Variants in GRAP2 observed in about 807,000 individuals in gnomAD.
GRAP2 encodes GRB2-related adapter protein 2.
In GRAP2, 31 loss-of-function variants were observed where a neutral mutation model predicts 43.5. The ratio of observed to expected loss-of-function variants is 0.71; its 90% CI spans 0.54 to 0.96. GRAP2 has a LOEUF of 0.96. Ranked by LOEUF, GRAP2 falls within the 40% of genes least tolerant of loss-of-function variation. The pLI is 0.00. For synonymous variants in GRAP2, 156 were observed against 164.8 expected (o/e 0.95, Z 0.41); for missense variants, 371 against 424.4 (o/e 0.87, Z 1.11).
the GRAP2 span, among the ~76,000 whole-genome samples, chr22:39,894,714 G>T: frequency 1.3e-5 from 2 of 152,282 alleles, no homozygotes; most frequent in South Asian, 4.1e-4. Flanking sequence ...CTGATTTTCC[G>T]TGAGCACCCA....
intron 1 of GRAP2, among the ~76,000 whole-genome samples, chr22:39,923,508 T>C (rs575701426): frequency 1.0e-3 from 157 of 152,326 alleles, no homozygotes; most frequent in African/African-American, 3.8e-3. Context: ...TCAAGATTAT[T>C]AATTGTCTCC....
chr22:39,917,098 A>G lies in GRAP2; in HGVS notation c.-15+15768A>G, dbSNP rs559120094. Among the ~76,000 whole-genome samples the G allele has an allele frequency of 4.6e-5, 7 of 152,360 alleles. No individual in the cohort carries two copies. In the East Asian group the frequency reaches 1.4e-3, roughly 29 times the overall value. On this transcript the variant is annotated intron_variant, in intron 1 of 7. Coordinates refer to ENST00000344138, the MANE Select transcript of GRAP2 (RefSeq NM_004810.4). Reference sequence around the variant, plus strand: ...AAACTGAGAAGTTGGGGGAAAGATCAGACATTTTTATGGAAACTGCATTGA... The same window carrying G: ...AAACTGAGAAGTTGGGGGAAAGATCGGACATTTTTATGGAAACTGCATTGA...
intron 1 of GRAP2, among the ~76,000 whole-genome samples, chr22:39,927,952 G>C (rs1463089641): frequency 6.6e-6 from 1 of 152,216 alleles, no homozygotes; most frequent in African/African-American, 2.4e-5. Flanking sequence ...GATGTAAGTA[G>C]GAAGGTGCAG....
At chr22:39,907,615 A>C (rs1239542118) in intron 1 of GRAP2, among the ~76,000 whole-genome samples, 1 of 152,008 alleles carries the variant, frequency 6.6e-6, no homozygotes, top group African/African-American at 2.4e-5. Context: ...AGTGGCCCGC[A>C]CCTGTAGTCC....
Position 39,969,446 on chromosome 22 carries a change from G to T in GRAP2, c.726G>T (p.Gly242=), listed in dbSNP as rs770749518. The change falls in exon 7 of 8, where the codon GGG becomes GGT. Residue 242 remains glycine, a synonymous_variant. Coordinates refer to ENST00000344138, the MANE Select transcript of GRAP2 (RefSeq NM_004810.4). ...GAGGCAGCCTTGACATAAATGATGGGCATTGTGGCACCGGCTTGGGCAGTG... is the reference window on the plus strand; with the variant it reads ...GAGGCAGCCTTGACATAAATGATGGTCATTGTGGCACCGGCTTGGGCAGTG... The part of the protein sequence containing the change: ...RRGGSLDIND[G]HCGTGLGSEM... 13 of 1,613,976 alleles carry T rather than the reference G, an allele frequency of 8.1e-6. No homozygotes were observed. The highest frequency in any genetic ancestry group is 1.1e-5 in the Non-Finnish European group (13 of 1,179,896).
chr22:39,947,208 G>A (rs371590030), intron 2 of GRAP2, 24 bp downstream of exon 2: 6 of 1,050,800 alleles, frequency 5.7e-6, no homozygotes, highest in African/African-American at 1.6e-5. Flanking sequence ...GGCCCCAGGG[G>A]AGCAGTAGGG....
chr22:39,903,218 A>G (rs1375283068), intron 1 of GRAP2, among the ~76,000 whole-genome samples: 2 of 152,142 alleles, frequency 1.3e-5, no homozygotes, highest in Non-Finnish European at 1.5e-5. Context: ...CAGATGATTC[A>G]TTTTTGTGCC....
At chr22:39,947,616 C>T (rs1052461009) in intron 2 of GRAP2, 5 of 166,046 alleles carry the variant, frequency 3.0e-5, no homozygotes, top group South Asian at 1.7e-4. Context: ...CAGGGAGCAG[C>T]GCCAGGCTCA....
chr22:39,968,040 A>G lies in GRAP2; in HGVS notation c.460-2A>G. On this transcript the variant is annotated splice_acceptor_variant, in intron 5 of 7. Coordinates refer to ENST00000344138, the MANE Select transcript of GRAP2 (RefSeq NM_004810.4). LOFTEE classifies it high-confidence loss of function. ...CTGCAGCATCTCTGTTCTTTCTCCC[A>G]GGGTCACCGGGGCAACAGCCTGGAC... 6.2e-7 allele frequency: 1 copy of G among 1,611,796 alleles called. No homozygotes were observed. Among genetic ancestry groups the G allele is most frequent in the African/African-American group, 1.3e-5 (1 of 75,012 alleles).
intron 4 of GRAP2, among the ~76,000 whole-genome samples, chr22:39,962,240 TAGTGAGACCTCATC>T (rs2067127067): frequency 6.6e-6 from 1 of 152,152 alleles, no homozygotes; most frequent in Non-Finnish European, 1.5e-5. Context: ...CCGGGGCAAC[TAGTGAGACCTCATC>T]TCTACTAAAA....
At chr22:39,921,073 T>G (rs1486900068) in intron 1 of GRAP2, among the ~76,000 whole-genome samples, 1 of 152,038 alleles carries the variant, frequency 6.6e-6, no homozygotes, top group African/African-American at 2.4e-5. Context: ...TTGTTTAAAT[T>G]TAAGCTAGCC....
At chr22:39,951,654 G>C (rs1254162543) in intron 2 of GRAP2, among the ~76,000 whole-genome samples, 2 of 152,124 alleles carry the variant, frequency 1.3e-5, no homozygotes, top group African/African-American at 4.8e-5. Context: ...TGAACGCCTT[G>C]CTCAGGTTTA....
chr22:39,894,034 A>G, the GRAP2 span, among the ~76,000 whole-genome samples: 1 of 152,102 alleles, frequency 6.6e-6, no homozygotes, highest in Non-Finnish European at 1.5e-5. Context: ...TCTTAATTAA[A>G]TAAAAATGAG....
chr22:39,952,637 A>G (rs931892633), intron 2 of GRAP2, among the ~76,000 whole-genome samples: 2 of 152,206 alleles, frequency 1.3e-5, no homozygotes, highest in Admixed American at 6.5e-5. Flanking sequence ...GTTAGAAACT[A>G]TAAAGTTTTC....
upstream of GRAP2, among the ~76,000 whole-genome samples, chr22:39,896,653 A>G (rs1014320756): frequency 6.6e-6 from 1 of 152,128 alleles, no homozygotes; most frequent in Non-Finnish European, 1.5e-5. Context: ...GGTAAGATTA[A>G]AGACTGAAGT....
intron 1 of GRAP2, among the ~76,000 whole-genome samples, chr22:39,942,732 G>A (rs977179645): frequency 2.0e-5 from 3 of 152,176 alleles, no homozygotes; most frequent in African/African-American, 7.2e-5. Flanking sequence ...CAAAGCGGCA[G>A]TGAGCTATGA....
Position 39,924,634 on chromosome 22 carries a change from G to A in GRAP2, c.-14-22459G>A, listed in dbSNP as rs1425970155. On this transcript the variant is annotated intron_variant, in intron 1 of 7. Transcript: ENST00000344138. Reference sequence around the variant, plus strand: ...GGATAATCACTTCAACCCGGGCGGCGGAGGTTGCAGTGAGCCAAGATTATA... The same window carrying A: ...GGATAATCACTTCAACCCGGGCGGCAGAGGTTGCAGTGAGCCAAGATTATA... 3.9e-5 allele frequency among the ~76,000 whole-genome samples: 6 copies of A among 152,104 alleles called. No homozygotes were observed. In the South Asian group the frequency reaches 6.2e-4, roughly 16 times the overall value.
intron 1 of GRAP2, among the ~76,000 whole-genome samples, chr22:39,940,842 T>G (rs905136349): frequency 3.9e-5 from 6 of 152,194 alleles, no homozygotes; most frequent in African/African-American, 1.2e-4. Context: ...ATGTTAAAAT[T>G]GATGCGCCTT....
intron 1 of GRAP2, among the ~76,000 whole-genome samples, chr22:39,922,365 A>G (rs1569196532): frequency 6.6e-6 from 1 of 152,224 alleles, no homozygotes; most frequent in Non-Finnish European, 1.5e-5. Context: ...GAGGAGTACA[A>G]AAAGGAGAAT....
Sources: allele counts gnomAD v4.1 joint callset (sites outside exome capture counted in the v4.1 genomes callset), GRCh38; gene constraint gnomAD v4.1.1; transcripts MANE v1.5; gene names NCBI Gene and HGNC (gene_info 2026-07-23, HGNC 2026-07-21).